PHF20: variants seen among roughly 807,000 people sequenced by gnomAD.
PHF20 encodes PHD finger protein 20.
Under a neutral mutation model 113.5 loss-of-function variants are expected in PHF20, and 23 were observed. That is an observed-to-expected ratio of 0.20 (90% CI 0.15 to 0.29). The LOEUF (loss-of-function observed/expected upper bound fraction) is 0.29, where lower values mean the gene tolerates loss of function less well. Among genes scored for constraint, PHF20 ranks in the 10% least tolerant of loss-of-function variants. PHF20 has a pLI of 1.00. For synonymous variants in PHF20, 434 were observed against 457.3 expected (o/e 0.95, Z 0.65); for missense variants, 943 against 1,219.6 (o/e 0.77, Z 3.38).
intron 10 of PHF20, among the ~76,000 whole-genome samples, chr20:35,904,116 G>C (rs2055154316): frequency 6.6e-6 from 1 of 152,090 alleles, no homozygotes; most frequent in Non-Finnish European, 1.5e-5. Flanking sequence ...TTCACTGGGA[G>C]ACGTTTCACA....
Position 35,917,291 on chromosome 20 carries a change from C to G in PHF20, c.1826-193C>G, listed in dbSNP as rs1281020898. ...TGAGGAAGTGGAGTTGAGTTCACTGCCAGGCAGCATGCTTCGTTTGGGCTG... is the reference window on the plus strand; with the variant it reads ...TGAGGAAGTGGAGTTGAGTTCACTGGCAGGCAGCATGCTTCGTTTGGGCTG... On this transcript the variant is annotated intron_variant, in intron 12 of 17. Coordinates refer to ENST00000374012, the MANE Select transcript of PHF20 (RefSeq NM_016436.5). 7.3e-6 allele frequency: 5 copies of G among 687,874 alleles called. No homozygotes were observed. In the African/African-American group the frequency reaches 8.8e-5, roughly 12 times the overall value. The allele number at this position is 687,874 out of a possible 1,614,324, so 42.6% of individuals were successfully genotyped here.
intron 7 of PHF20, among the ~76,000 whole-genome samples, chr20:35,869,824 T>G (rs1412977310): frequency 1.3e-5 from 2 of 152,142 alleles, no homozygotes; most frequent in Non-Finnish European, 2.9e-5. Flanking sequence ...ATTTAATGGC[T>G]TAGGAAGGGA....
intron 11 of PHF20, 46 bp downstream of exon 11, chr20:35,913,393 A>G (rs1376396602): frequency 7.6e-6 from 10 of 1,324,498 alleles, no homozygotes; most frequent in Non-Finnish European, 9.7e-6. Context: ...CTTACTATGA[A>G]TGGGGAGGGG....
chr20:35,871,233 GT>G (rs755443236), intron 8 of PHF20, 99 bp downstream of exon 8: 18 of 975,556 alleles, frequency 1.8e-5, no homozygotes, highest in Non-Finnish European at 2.7e-5. Context: ...GTATTAAATT[GT>G]CTTGAAATCA....
chr20:35,834,758 T>C (rs914152749), intron 2 of PHF20, among the ~76,000 whole-genome samples: 3 of 152,164 alleles, frequency 2.0e-5, no homozygotes, highest in African/African-American at 7.2e-5. Flanking sequence ...CAGGAATGTT[T>C]GTTGAATAAT....
intron 1 of PHF20, among the ~76,000 whole-genome samples, chr20:35,791,153 G>A (rs574968108): frequency 1.3e-5 from 2 of 152,078 alleles, no homozygotes; most frequent in African/African-American, 4.8e-5. Flanking sequence ...CACCGCGTCC[G>A]GCCTGAACTG....
chr20:35,772,820 A>G (rs2041091547), intron 1 of PHF20, among the ~76,000 whole-genome samples: 1 of 152,048 alleles, frequency 6.6e-6, no homozygotes, highest in Admixed American at 6.6e-5. Context: ...GTTTTGGGAT[A>G]CTTTCTTGTA....
chr20:35,913,915 A>T (rs2055353382), intron 11 of PHF20, 118 bp from the exon 12 acceptor site: 4 of 956,420 alleles, frequency 4.2e-6, no homozygotes, highest in Middle Eastern at 3.3e-4. Flanking sequence ...TTTTGGTTGA[A>T]TTGTCCCTGA....
intron 14 of PHF20, among the ~76,000 whole-genome samples, chr20:35,930,999 C>T (rs538295276): frequency 4.6e-5 from 7 of 152,134 alleles, no homozygotes; most frequent in Admixed American, 2.6e-4. Flanking sequence ...AATCTAGGTG[C>T]CCAGCTCACC....
At chr20:35,839,331 C>T (rs904349153) in intron 2 of PHF20, among the ~76,000 whole-genome samples, 1 of 139,704 alleles carries the variant, frequency 7.2e-6, no homozygotes, top group Non-Finnish European at 1.5e-5. Context: ...GCGGAGCTTG[C>T]AGTGAGCTAA....
chr20:35,804,374 C>T (rs1383450971), intron 2 of PHF20, among the ~76,000 whole-genome samples: 3 of 151,762 alleles, frequency 2.0e-5, no homozygotes, highest in Non-Finnish European at 4.4e-5. Flanking sequence ...GCTGGGACTA[C>T]AGGCACCCAC....
At chr20:35,925,669 C>CT (rs2055614818) in intron 13 of PHF20, among the ~76,000 whole-genome samples, 1 of 150,728 alleles carries the variant, frequency 6.6e-6, no homozygotes, top group South Asian at 2.1e-4. Flanking sequence ...ACTTAAGTCT[C>CT]TGTGTGTGTT....
Position 35,870,594 on chromosome 20 carries a change from C to G in PHF20, c.923-361C>G, listed in dbSNP as rs537497540. 2.2e-5 allele frequency among the ~76,000 whole-genome samples: 3 copies of G among 139,258 alleles called. No homozygotes were observed. In the South Asian group the frequency reaches 7.3e-4, roughly 34 times the overall value. The allele number at this position is 139,258 out of a possible 152,430, so 91.4% of individuals were successfully genotyped here. ...TTAAAATAAAATAGTATCCTGTTGG[C>G]TCCAAAAAGGATTTGTGATAGCTCT... On this transcript the variant is annotated intron_variant, in intron 7 of 17. Transcript: ENST00000374012.
chr20:35,937,880 G>GT (rs757158378), intron 15 of PHF20, among the ~76,000 whole-genome samples: 26 of 151,210 alleles, frequency 1.7e-4, no homozygotes, highest in African/African-American at 5.1e-4. Flanking sequence ...GTTTTGTTTT[G>GT]TTTTGTTTTT....
At chr20:35,787,844 A>T (rs2041453792) in intron 1 of PHF20, among the ~76,000 whole-genome samples, 1 of 149,232 alleles carries the variant, frequency 6.7e-6, no homozygotes. Context: ...GCAGTGGCGC[A>T]ATCTTTGCTC....
At chr20:35,800,083 A>G (rs2041749472) in intron 1 of PHF20, 1 of 152,142 alleles carries the variant, frequency 6.6e-6, no homozygotes, top group African/African-American at 2.4e-5. Flanking sequence ...TATAAATTTT[A>G]TTCATTGCAG....
chr20:35,780,837 T>C (rs1477349049), intron 1 of PHF20, among the ~76,000 whole-genome samples: 2 of 147,452 alleles, frequency 1.4e-5, no homozygotes, highest in Non-Finnish European at 3.0e-5. Context: ...CATGAGCCAC[T>C]GGTGCCTGGC....
chr20:35,863,927 A>G (rs1287967642), intron 6 of PHF20, among the ~76,000 whole-genome samples: 1 of 152,214 alleles, frequency 6.6e-6, no homozygotes, highest in Non-Finnish European at 1.5e-5. Flanking sequence ...AAAAGCCGAG[A>G]TGGCTAATTG....
chr20:35,932,327 C>T (rs1168245026), intron 15 of PHF20, among the ~76,000 whole-genome samples: 1 of 151,186 alleles, frequency 6.6e-6, no homozygotes, highest in African/African-American at 2.4e-5. Context: ...CCTCGGGCTC[C>T]CAAAGTGCTG....
Sources: gnomAD v4.1 joint callset for allele counts (sites outside exome capture counted in the v4.1 genomes callset) on GRCh38, gnomAD v4.1.1 for gene constraint, MANE v1.5 for transcripts, NCBI Gene and HGNC (gene_info 2026-07-23, HGNC 2026-07-21) for gene names.